The following SLC49A4 variants were observed in gnomAD, a reference collection of about 807,000 sequenced individuals.
SLC49A4 encodes the protein solute carrier family 49 member 4, also known as disrupted in renal cancer protein 2.
Under a neutral mutation model 50.6 loss-of-function variants are expected in SLC49A4, and 36 were observed. The ratio of observed to expected loss-of-function variants is 0.71; its 90% CI spans 0.55 to 0.94. The LOEUF is 0.94. Ranked by LOEUF, SLC49A4 falls within the 40% of genes least tolerant of loss-of-function variation. SLC49A4 has a pLI of 0.00. For missense variants in SLC49A4, 503 were observed against 605.7 expected, an observed-to-expected ratio of 0.83 and a Z score of 1.78; for synonymous variants, 248 against 241.2, an observed-to-expected ratio of 1.03 and a Z score of -0.26.
intron 4 of SLC49A4, among the ~76,000 whole-genome samples, chr3:122,833,666 A>G (rs939108927): frequency 2.0e-5 from 3 of 152,126 alleles, no homozygotes; most frequent in Non-Finnish European, 4.4e-5. Context: ...TTCTCTACAT[A>G]TCACCTATAC....
At chr3:122,863,540 A>T (rs1937081763) in intron 7 of SLC49A4, among the ~76,000 whole-genome samples, 1 of 152,244 alleles carries the variant, frequency 6.6e-6, no homozygotes, top group South Asian at 2.1e-4. Context: ...ATACCCTTAC[A>T]AGCCTTGTAA....
At chr3:122,820,248 T>A (rs1330852572) in intron 2 of SLC49A4, among the ~76,000 whole-genome samples, 1 of 152,238 alleles carries the variant, frequency 6.6e-6, no homozygotes, top group Non-Finnish European at 1.5e-5. Context: ...TGTGGACTGA[T>A]GAAATTAGCT....
At chr3:122,813,846 T>A in intron 2 of SLC49A4, among the ~76,000 whole-genome samples, 1 of 152,234 alleles carries the variant, frequency 6.6e-6, no homozygotes. Flanking sequence ...ATTCATTACA[T>A]ATTAGTTTAA....
intron 8 of SLC49A4, among the ~76,000 whole-genome samples, chr3:122,877,997 G>A (rs1268471915): frequency 6.6e-6 from 1 of 152,168 alleles, no homozygotes; most frequent in Non-Finnish European, 1.5e-5. Context: ...TAATAGAGAG[G>A]TGGGGAGTCT....
At chr3:122,824,823 C>T (rs1936504654) in intron 2 of SLC49A4, among the ~76,000 whole-genome samples, 1 of 149,332 alleles carries the variant, frequency 6.7e-6, no homozygotes, top group African/African-American at 2.5e-5. Flanking sequence ...ACCTCTGCCT[C>T]CCAAGCTCAA....
At chr3:122,850,414 A>G (rs997965429) in intron 5 of SLC49A4, among the ~76,000 whole-genome samples, 2 of 152,244 alleles carry the variant, frequency 1.3e-5, no homozygotes, top group Non-Finnish European at 2.9e-5. Context: ...AATGGCAAAG[A>G]TATCTTGGGG....
At chr3:122,872,699 A>T in intron 8 of SLC49A4, 102 bp downstream of exon 8, 1 of 764,236 alleles carries the variant, frequency 1.3e-6, no homozygotes, top group Non-Finnish European at 2.0e-6. Flanking sequence ...CACCAAGGCA[A>T]ATTACTTTAT....
Position 122,856,380 on chromosome 3 carries a change from A to G in SLC49A4, c.1010+6A>G, listed in dbSNP as rs766647865. 13 of 1,613,618 alleles carry G rather than the reference A, an allele frequency of 8.1e-6. No individual in the cohort carries two copies. The African/African-American group carries it at 1.7e-4, about 22-fold the overall frequency. ...GTTGGAATAGCTATGGCAAGGTGAG[A>G]ATATTTTGTTAAACTTGTGAGTGGA... On this transcript the variant is annotated splice_donor_region_variant and intron_variant, in intron 6 of 8. Coordinates refer to ENST00000261038, the MANE Select transcript of SLC49A4 (RefSeq NM_032839.3).
intron 8 of SLC49A4, among the ~76,000 whole-genome samples, chr3:122,874,270 G>A (rs1937233998): frequency 6.6e-6 from 1 of 152,170 alleles, no homozygotes; most frequent in Admixed American, 6.5e-5. Context: ...GGGTCCTGCT[G>A]CGGTTTTGAC....
At chr3:122,851,441 T>C (rs1003221968) in intron 5 of SLC49A4, among the ~76,000 whole-genome samples, 1 of 152,144 alleles carries the variant, frequency 6.6e-6, no homozygotes, top group Admixed American at 6.5e-5. Context: ...GAATTATTGG[T>C]TGACAGTCAT....
At chr3:122,802,210 T>C (rs1353661298) in intron 1 of SLC49A4, among the ~76,000 whole-genome samples, 1 of 152,076 alleles carries the variant, frequency 6.6e-6, no homozygotes, top group African/African-American at 2.4e-5. Context: ...TTTTCAAACA[T>C]TGGGCGACAG....
At chr3:122,804,888 G>A (rs1467255532) in intron 1 of SLC49A4, among the ~76,000 whole-genome samples, 2 of 152,226 alleles carry the variant, frequency 1.3e-5, no homozygotes, top group Admixed American at 6.5e-5. Flanking sequence ...ACTGAGTAAA[G>A]TATGGTAGCC....
At chr3:122,800,197 G>A (rs542345362) in intron 1 of SLC49A4, among the ~76,000 whole-genome samples, 12 of 152,354 alleles carry the variant, frequency 7.9e-5, no homozygotes, top group African/African-American at 2.6e-4. Flanking sequence ...GAAGGGTGGA[G>A]CTTCCCTGGA....
intron 2 of SLC49A4, among the ~76,000 whole-genome samples, chr3:122,810,660 T>A (rs1474728112): frequency 6.6e-6 from 1 of 152,260 alleles, no homozygotes; most frequent in African/African-American, 2.4e-5. Flanking sequence ...GTGCAACACA[T>A]GCCACATTAT....
intron 6 of SLC49A4, among the ~76,000 whole-genome samples, chr3:122,857,540 A>G (rs1451271102): frequency 2.6e-5 from 4 of 152,214 alleles, no homozygotes; most frequent in Non-Finnish European, 5.9e-5. Flanking sequence ...ATACAGGATA[A>G]TGTTATACCT....
chr3:122,841,837 G>A (rs1304217442), intron 4 of SLC49A4, among the ~76,000 whole-genome samples: 1 of 152,090 alleles, frequency 6.6e-6, no homozygotes, highest in East Asian at 1.9e-4. Flanking sequence ...GTTGCATATA[G>A]GTAGGTCACA....
In SLC49A4 at chr3:122,795,316, C is replaced by G; in HGVS notation, c.124C>G (p.Pro42Ala). The part of the protein sequence containing the change: ...AAAAALPAAV[P>A]GPGRVYGRRW... ...GGCGGCGGCGCTGCCCGCGGCGGTC[C>G]CGGGTCCCGGGCGGGTATACGGGCG... The change falls in exon 1 of 9, where the codon CCG becomes GCG. Residue 42 changes from proline to alanine, a missense_variant. Coordinates refer to ENST00000261038, the MANE Select transcript of SLC49A4 (RefSeq NM_032839.3). The G allele has an allele frequency of 6.7e-7, 1 of 1,492,806 alleles. No homozygotes were observed. 92.5% of individuals were successfully genotyped at this position (1,492,806 alleles called of 1,614,324 possible). A position where few individuals can be genotyped will look rare whatever the true frequency, so the allele number is the denominator to read the frequency against.
At chr3:122,811,030 A>C (rs1936290644) in intron 2 of SLC49A4, among the ~76,000 whole-genome samples, 1 of 152,216 alleles carries the variant, frequency 6.6e-6, no homozygotes, top group Non-Finnish European at 1.5e-5. Context: ...CCTTCCAATT[A>C]AGACACAAGT....
chr3:122,870,909 C>A (rs1937190519), intron 7 of SLC49A4, among the ~76,000 whole-genome samples: 1 of 151,848 alleles, frequency 6.6e-6, no homozygotes. Context: ...GATATTCCAT[C>A]CCCAGATTTC....
Sources: gnomAD v4.1 joint callset for allele counts (sites outside exome capture counted in the v4.1 genomes callset) on GRCh38, gnomAD v4.1.1 for gene constraint, MANE v1.5 for transcripts, NCBI Gene and HGNC (gene_info 2026-07-23, HGNC 2026-07-21) for gene names.